The following DENND5A variants were observed in gnomAD, a reference collection of about 807,000 sequenced individuals.
DENND5A encodes the protein DENN domain containing 5A.
DENND5A carries 64 observed loss-of-function variants against 140.3 expected under a neutral mutation model. The ratio of observed to expected loss-of-function variants is 0.46; its 90% CI spans 0.37 to 0.56. The LOEUF is 0.56. Ranked by LOEUF, DENND5A falls within the 20% of genes least tolerant of loss-of-function variation. DENND5A has a pLI of 0.00. For missense variants in DENND5A, 1,292 were observed against 1,593.8 expected (o/e 0.81, Z 3.22); for synonymous variants, 605 against 607.7 (o/e 1.00, Z 0.07).
intron 4 of DENND5A, among the ~76,000 whole-genome samples, chr11:9,193,987 A>G (rs1168612270): frequency 6.6e-6 from 1 of 152,244 alleles, no homozygotes; most frequent in Non-Finnish European, 1.5e-5. Flanking sequence ...CAGAATGTTA[A>G]GTAGATCCTC....
intron 8 of DENND5A, among the ~76,000 whole-genome samples, chr11:9,174,403 T>G (rs1848482402): frequency 6.6e-6 from 1 of 150,708 alleles, no homozygotes; most frequent in Non-Finnish European, 1.5e-5. Context: ...AGTAAAATAA[T>G]GACAAAGATA....
rs1847338524 is a variant in DENND5A at position 9,144,109 on chromosome 11, T to C, written c.3292A>G (p.Asn1098Asp). 6.2e-7 allele frequency: 1 copy of C among 1,613,292 alleles called. No individual in the cohort carries two copies. Among genetic ancestry groups the C allele is most frequent in the South Asian group, 1.1e-5 (1 of 91,028 alleles). ...TCCTCCCACTTACTGGGCTTGTTGTTGGGTGAGATGGTAACAAGCCTCCGG... is the reference window on the plus strand; with the variant it reads ...TCCTCCCACTTACTGGGCTTGTTGTCGGGTGAGATGGTAACAAGCCTCCGG... ...VIRRLVTISP[N>D]NKPKLNTGQI... The change falls in exon 19 of 23, where the codon AAC becomes GAC. Residue 1098 changes from asparagine to aspartate, a missense_variant. This residue lies in a region of DENND5A where 498 missense variants were observed against 689.7 expected (regional missense o/e 0.72). Coordinates refer to ENST00000328194, the MANE Select transcript of DENND5A (RefSeq NM_015213.4).
rs1008632635 is a variant in DENND5A, at chr11:9,143,427, C to T, written c.3363G>A (p.Lys1121=). 1 of 1,614,056 alleles carries T rather than the reference C, an allele frequency of 6.2e-7. No homozygotes were observed. The highest frequency in any genetic ancestry group is 8.5e-7 in the Non-Finnish European group (1 of 1,179,992). The change falls in exon 20 of 23, where the codon AAG becomes AAA. Residue 1121 remains lysine (K), a synonymous_variant. Coordinates refer to ENST00000328194, the MANE Select transcript of DENND5A (RefSeq NM_015213.4). ...CCTCTTTCTCAGGCTTATGGAAGTG[C>T]TTCACAATGCCATTGACTGCCTCCC... The part of the protein sequence containing the change: ...SIGEAVNGIV[K]HFHKPEKERG...
intron 3 of DENND5A, 100 bp from the exon 4 acceptor site, chr11:9,204,417 C>T (rs1398222327): frequency 8.6e-7 from 1 of 1,160,372 alleles, no homozygotes; most frequent in African/African-American, 1.5e-5. Flanking sequence ...ACCTACTAAG[C>T]TGAGCGTGTA....
In DENND5A at chr11:9,265,128, G is replaced by A; in HGVS notation, c.-59C>T. On this transcript the variant is annotated 5_prime_UTR_variant, in exon 1 of 23. Transcript: ENST00000328194. The surrounding 1 kb of genome is among the most constrained non-coding windows in gnomAD (Gnocchi z 4.7). ...AGCGGCACCGAGCCCCCGCAACCCG[G>A]GCGCCCGCCCGTCCGCCCTCAGGCC... 2 of 1,057,682 alleles carry A rather than the reference G, an allele frequency of 1.9e-6. No individual in the cohort carries two copies. Among genetic ancestry groups the A allele is most frequent in the Non-Finnish European group, 2.3e-6 (2 of 855,746 alleles). The allele number at this position is 1,057,682 out of a possible 1,614,324, so 65.5% of individuals were successfully genotyped here.
chr11:9,231,758 A>G (rs1379025530), intron 1 of DENND5A, among the ~76,000 whole-genome samples: 1 of 147,628 alleles, frequency 6.8e-6, no homozygotes, highest in African/African-American at 2.5e-5. Flanking sequence ...CTGTTAGTTT[A>G]CCCTCAGTAA....
At chr11:9,222,185 T>C (rs1850341367) in intron 1 of DENND5A, among the ~76,000 whole-genome samples, 1 of 152,240 alleles carries the variant, frequency 6.6e-6, no homozygotes, top group East Asian at 1.9e-4. Flanking sequence ...CTTTAGCAAT[T>C]ATCAATGCAT....
intron 18 of DENND5A, 31 bp downstream of exon 18, chr11:9,144,964 C>A: frequency 6.7e-7 from 1 of 1,487,984 alleles, no homozygotes; most frequent in South Asian, 1.1e-5. Flanking sequence ...ACACCTTGCC[C>A]CTCTACCTTA....
At chr11:9,197,678 G>A (rs568821894) in intron 4 of DENND5A, among the ~76,000 whole-genome samples, 1 of 152,226 alleles carries the variant, frequency 6.6e-6, no homozygotes, top group Admixed American at 6.5e-5. Flanking sequence ...CTGGGCAACA[G>A]AGCAAGACCC....
chr11:9,217,759 A>G (rs530061144), intron 1 of DENND5A, among the ~76,000 whole-genome samples: 2 of 152,220 alleles, frequency 1.3e-5, no homozygotes, highest in Non-Finnish European at 2.9e-5. Flanking sequence ...ATATCTTCAT[A>G]AAGTGATTTA....
intron 1 of DENND5A, among the ~76,000 whole-genome samples, chr11:9,219,101 A>G (rs1347164895): frequency 1.3e-5 from 2 of 152,112 alleles, no homozygotes; most frequent in Non-Finnish European, 2.9e-5. Context: ...AAACCCAAAT[A>G]AAAGTATACC....
intron 1 of DENND5A, among the ~76,000 whole-genome samples, chr11:9,257,222 C>A (rs536684148): frequency 1.4e-4 from 21 of 152,028 alleles, no homozygotes; most frequent in African/African-American, 5.1e-4. Context: ...GTTGGCCAGG[C>A]TGGTCTCAAG....
intron 1 of DENND5A, among the ~76,000 whole-genome samples, chr11:9,262,011 A>G (rs1003315097): frequency 6.6e-6 from 1 of 152,140 alleles, no homozygotes; most frequent in South Asian, 2.1e-4. Context: ...TATTATCCCA[A>G]TAAACTTTCA....
At chr11:9,153,570 ACTT>A (rs1847705108) in intron 12 of DENND5A, among the ~76,000 whole-genome samples, 1 of 152,114 alleles carries the variant, frequency 6.6e-6, no homozygotes, top group African/African-American at 2.4e-5. Context: ...AGTTTGGTGA[ACTT>A]CTCTGAATGT....
At chr11:9,145,453 A>G in intron 17 of DENND5A, 1 of 612,494 alleles carries the variant, frequency 1.6e-6, no homozygotes, top group Non-Finnish European at 2.9e-6. Flanking sequence ...GCATGTCCAG[A>G]CAAGTAAGTG....
chr11:9,259,838 G>C (rs1031274478), intron 1 of DENND5A, among the ~76,000 whole-genome samples: 1 of 152,022 alleles, frequency 6.6e-6, no homozygotes, highest in African/African-American at 2.4e-5. Flanking sequence ...AGACCAGCCT[G>C]ACCAACATGG....
rs190368243 is a variant in DENND5A, at chr11:9,173,887, G to A, written c.1907-3110C>T. ...TGGGAGGCCGAGGCGGGCGGATCAC[G>A]AGGTCAGGAGATCAAGAGATCAAGA... On this transcript the variant is annotated intron_variant, in intron 8 of 22. Coordinates refer to ENST00000328194, the MANE Select transcript of DENND5A (RefSeq NM_015213.4). 4.0e-3 allele frequency among the ~76,000 whole-genome samples: 612 copies of A among 151,914 alleles called. 6 individuals are homozygous for A. The highest frequency in any genetic ancestry group is 0.014 in the African/African-American group (588 of 41,494).
At chr11:9,213,583 G>A (rs1235857305) in intron 1 of DENND5A, among the ~76,000 whole-genome samples, 2 of 151,522 alleles carry the variant, frequency 1.3e-5, no homozygotes, top group Admixed American at 6.6e-5. Context: ...CGAGGCGGGT[G>A]CATCAACTGA....
intron 14 of DENND5A, 98 bp from the exon 15 acceptor site, chr11:9,150,307 G>T: frequency 7.1e-7 from 1 of 1,406,370 alleles, no homozygotes; most frequent in Non-Finnish European, 9.8e-7. Context: ...TGCTGAGACA[G>T]ACTTATCTCA....
Sources: gnomAD v4.1 joint callset for allele counts (sites outside exome capture counted in the v4.1 genomes callset) on GRCh38, gnomAD v4.1.1 for gene constraint, gnomAD v4.1.1 regional missense constraint, Gnocchi (gnomAD v3.1) non-coding constraint, MANE v1.5 for transcripts, NCBI Gene and HGNC (gene_info 2026-07-23, HGNC 2026-07-21) for gene names.